PCDHGA4: variants seen among roughly 807,000 people sequenced by gnomAD.
PCDHGA4 encodes the protein protocadherin gamma subfamily A, 4.
Under a neutral mutation model 54.6 loss-of-function variants are expected in PCDHGA4, and 38 were observed. The ratio of observed to expected loss-of-function variants is 0.70; its 90% confidence interval spans 0.54 to 0.91. The LOEUF (loss-of-function observed/expected upper bound fraction) is 0.91, where lower values mean the gene tolerates loss of function less well. Ranked by LOEUF, PCDHGA4 falls within the 40% of genes least tolerant of loss-of-function variation. The probability of loss-of-function intolerance (pLI) is 0.00; values close to 1 mark genes in which losing one functional copy is unlikely to be tolerated. For synonymous variants in PCDHGA4, 511 were observed against 512.9 expected, an observed-to-expected ratio of 1.00 and a Z score of 0.05; for missense variants, 1,298 against 1,220.9, an observed-to-expected ratio of 1.06 and a Z score of -0.94.
Position 141,489,153 on chromosome 5 carries a change from G to T in PCDHGA4, c.2515-5654G>T. 1 of 935,828 alleles carries T rather than the reference G, an allele frequency of 1.1e-6. No individual in the cohort carries two copies. Among genetic ancestry groups the T allele is most frequent in the South Asian group, 1.8e-5 (1 of 55,006 alleles). 58.0% of individuals were successfully genotyped at this position (935,828 alleles called of 1,614,324 possible). A position where few individuals can be genotyped will look rare whatever the true frequency, so the allele number is the denominator to read the frequency against. Reference sequence around the variant, plus strand: ...TTTAAGAGGCTGGAAGGAGACATAAGAGACTTCAGCTGCTGCATTCCAAGC... The same window carrying T: ...TTTAAGAGGCTGGAAGGAGACATAATAGACTTCAGCTGCTGCATTCCAAGC... On this transcript the variant is annotated intron_variant, in intron 1 of 3. Transcript: ENST00000571252. The surrounding 1 kb of genome is among the most constrained non-coding windows in gnomAD (Gnocchi z 4.5).
chr5:141,399,738 G>C (rs1484510317), intron 1 of PCDHGA4: 2 of 1,613,268 alleles, frequency 1.2e-6, no homozygotes, highest in African/African-American at 1.3e-5. Flanking sequence ...GCTCGCCTGC[G>C]CTCAGCGCAA....
chr5:141,508,971 T>C (rs776443205), intron 3 of PCDHGA4, among the ~76,000 whole-genome samples: 14 of 152,004 alleles, frequency 9.2e-5, no homozygotes, highest in Non-Finnish European at 2.1e-4. Context: ...ATGAAAGGGC[T>C]GGGGGTGGGG....
chr5:141,433,651 C>T (rs905489069), intron 1 of PCDHGA4, among the ~76,000 whole-genome samples: 3 of 152,064 alleles, frequency 2.0e-5, no homozygotes, highest in Non-Finnish European at 2.9e-5. Context: ...GCCTGACCAA[C>T]ATGGAGAAAC....
At chr5:141,370,834 T>C in intron 1 of PCDHGA4, 1 of 1,614,012 alleles carries the variant, frequency 6.2e-7, no homozygotes. Context: ...GAACTGGCTC[T>C]CACTGGAGCC....
At chr5:141,427,733 C>T (rs2097062553) in intron 1 of PCDHGA4, 2 of 1,200,562 alleles carry the variant, frequency 1.7e-6, no homozygotes, top group East Asian at 4.7e-5. Context: ...GGCTGAATGG[C>T]CAAGTCTCCT....
intron 1 of PCDHGA4, chr5:141,400,039 C>T: frequency 6.2e-7 from 1 of 1,613,512 alleles, no homozygotes; most frequent in Non-Finnish European, 8.5e-7. Context: ...CCGCCAGCGC[C>T]TGCTGGTTGC....
At position 141,375,371 on chromosome 5, in the gene PCDHGA4, C is replaced by A. The variant is rs776202756; in HGVS notation, c.2514+17750C>A. On this transcript the variant is annotated intron_variant, in intron 1 of 3. Coordinates refer to ENST00000571252, the MANE Select transcript of PCDHGA4 (RefSeq NM_018917.4). ...TGTGACAGCCACGGACAAAGGAACA[C>A]CACCTCTGTCTACAGAAACAATCAT... is the stretch of plus-strand genomic sequence containing the variant. 6.2e-7 allele frequency: 1 copy of A among 1,613,880 alleles called. No individual in the cohort carries two copies. The highest frequency in any genetic ancestry group is 1.3e-5 in the African/African-American group (1 of 75,046).
chr5:141,452,278 T>C (rs1047687328), intron 1 of PCDHGA4, among the ~76,000 whole-genome samples: 1 of 152,226 alleles, frequency 6.6e-6, no homozygotes, highest in African/African-American at 2.4e-5. Context: ...AACCCTTTCT[T>C]ACTTTCTGAT....
intron 1 of PCDHGA4, among the ~76,000 whole-genome samples, chr5:141,363,346 G>C (rs1762883657): frequency 6.6e-6 from 1 of 152,068 alleles, no homozygotes; most frequent in African/African-American, 2.4e-5. Flanking sequence ...ATGACTTTCT[G>C]AAATGTCCAT....
At position 141,497,540 on chromosome 5, in the gene PCDHGA4, C is replaced by CT. The variant is rs754207034; in HGVS notation, c.2573+2693dup. On this transcript the variant is annotated intron_variant, in intron 2 of 3. Transcript: ENST00000571252. Reference sequence around the variant, plus strand: ...TTAACTTGTGGAGGATGCAACAAACCTTTTTTTTTTTTTTTTTTAGACAGA... The same window carrying CT: ...TTAACTTGTGGAGGATGCAACAAACCTTTTTTTTTTTTTTTTTTTAGACAGA... Among the ~76,000 whole-genome samples, 618 of 134,908 alleles carry CT rather than the reference C, an allele frequency of 4.6e-3. 3 individuals carry two copies. The highest frequency in any genetic ancestry group is 0.012 in the African/African-American group (419 of 35,974). 88.5% of individuals were successfully genotyped at this position (134,908 alleles called of 152,430 possible). A position where few individuals can be genotyped will look rare whatever the true frequency, so the allele number is the denominator to read the frequency against.
chr5:141,427,717 A>G (rs1038823851), intron 1 of PCDHGA4: 20 of 1,076,234 alleles, frequency 1.9e-5, no homozygotes, highest in African/African-American at 1.1e-4. Context: ...TCTGACCTGG[A>G]CCTAGGGCTG....
At chr5:141,478,345 C>T (rs755421316) in intron 1 of PCDHGA4, 3 of 1,613,850 alleles carry the variant, frequency 1.9e-6, no homozygotes, top group East Asian at 4.5e-5. Context: ...CCTCCTTGCA[C>T]GCGGACGCCG....
chr5:141,384,237 C>T, intron 1 of PCDHGA4: 2 of 1,613,888 alleles, frequency 1.2e-6, no homozygotes, highest in East Asian at 2.2e-5. Flanking sequence ...CAGACACCAA[C>T]GATAACCCAC....
In PCDHGA4 at chr5:141,432,887, T is replaced by G. The variant is rs146168033; in HGVS notation, c.2515-61920T>G. 2.8e-4 allele frequency: 451 copies of G among 1,614,156 alleles called. No individual in the cohort carries two copies. In the African/African-American group the frequency reaches 4.6e-3, roughly 17 times the overall value. ...CTGCGTCTTCCTGGCCTTCGTCATC[T>G]TGCTGCTGGCGCTCAGGCTGCGGCG... is the stretch of plus-strand genomic sequence containing the variant. On this transcript the variant is annotated intron_variant, in intron 1 of 3. Transcript: ENST00000571252. The surrounding 1 kb of genome is among the most constrained non-coding windows in gnomAD (Gnocchi z 6.0).
chr5:141,497,374 T>C (rs2099776044), intron 2 of PCDHGA4, among the ~76,000 whole-genome samples: 1 of 152,112 alleles, frequency 6.6e-6, no homozygotes, highest in Non-Finnish European at 1.5e-5. Flanking sequence ...ATGTGTCCTC[T>C]GGGGTGAGCA....
chr5:141,503,825 CA>C (rs2154593417), intron 2 of PCDHGA4, among the ~76,000 whole-genome samples: 1 of 152,186 alleles, frequency 6.6e-6, no homozygotes, highest in Non-Finnish European at 1.5e-5. Flanking sequence ...TGGGCAAAAC[CA>C]AAAGCAGGGA....
chr5:141,405,744 C>T (rs2094711384), intron 1 of PCDHGA4, among the ~76,000 whole-genome samples: 1 of 152,192 alleles, frequency 6.6e-6, no homozygotes, highest in African/African-American at 2.4e-5. Flanking sequence ...TCCCAAAGCA[C>T]TGGGATTACA....
At position 141,364,766 on chromosome 5, in the gene PCDHGA4, G is replaced by A. The variant is rs377017789; in HGVS notation, c.2514+7145G>A. 6 of 1,613,880 alleles carry A rather than the reference G, an allele frequency of 3.7e-6. No homozygotes were observed. The African/African-American group carries it at 8.0e-5, about 22-fold the overall frequency. ...GTTAAAAGTAAAAGTTAATGAAAAT[G>A]CGGCTGCAGGGACACGGTTAGTGCT... On this transcript the variant is annotated intron_variant, in intron 1 of 3. Coordinates refer to ENST00000571252, the MANE Select transcript of PCDHGA4 (RefSeq NM_018917.4).
At chr5:141,388,800 G>T (rs1193679536) in intron 1 of PCDHGA4, 1 of 1,613,896 alleles carries the variant, frequency 6.2e-7, no homozygotes, top group Non-Finnish European at 8.5e-7. Context: ...AAATACATTA[G>T]ATTTTGAAGA....
Sources: gnomAD v4.1 joint callset for allele counts (sites outside exome capture counted in the v4.1 genomes callset) on GRCh38, gnomAD v4.1.1 for gene constraint, Gnocchi (gnomAD v3.1) non-coding constraint, MANE v1.5 for transcripts, NCBI Gene and HGNC (gene_info 2026-07-23, HGNC 2026-07-21) for gene names.